FAM117B: variants seen among roughly 807,000 people sequenced by gnomAD.
FAM117B encodes the protein family with sequence similarity 117 member B.
A neutral mutation model predicts 52.8 loss-of-function variants in FAM117B; 22 were observed. That is an observed-to-expected ratio of 0.42 (90% CI 0.30 to 0.59). The LOEUF (loss-of-function observed/expected upper bound fraction) is 0.59, where lower values mean the gene tolerates loss of function less well. Ranked by LOEUF, FAM117B falls within the 20% of genes least tolerant of loss-of-function variation. The probability of loss-of-function intolerance (pLI) is 0.22; values close to 1 mark genes in which losing one functional copy is unlikely to be tolerated. For missense variants in FAM117B, 678 were observed against 802.6 expected (o/e 0.84, Z 1.88); for synonymous variants, 309 against 324.1 (o/e 0.95, Z 0.50).
intron 4 of FAM117B, among the ~76,000 whole-genome samples, chr2:202,734,569 A>T (rs1467094631): frequency 3.9e-5 from 6 of 152,258 alleles, no homozygotes; most frequent in Non-Finnish European, 7.3e-5. Flanking sequence ...GTTATTTAAC[A>T]GTGCACTCTG....
At chr2:202,703,856 A>G (rs112296902) in intron 2 of FAM117B, among the ~76,000 whole-genome samples, 2 of 152,308 alleles carry the variant, frequency 1.3e-5, no homozygotes, top group African/African-American at 4.8e-5. Flanking sequence ...GCTGGGTCAT[A>G]TGATAATTCG....
intron 6 of FAM117B, among the ~76,000 whole-genome samples, chr2:202,758,954 A>C (rs529356772): frequency 2.9e-4 from 44 of 152,336 alleles, no homozygotes; most frequent in African/African-American, 1.0e-3. Flanking sequence ...GTAGTGTTTG[A>C]GTGCATTTGT....
intron 1 of FAM117B, among the ~76,000 whole-genome samples, chr2:202,691,649 TTG>T (rs199855927): frequency 0.14 from 17,381 of 126,288 alleles, 1,073 homozygotes; most frequent in African/African-American, 0.18. Flanking sequence ...CCAGTTTACA[TTG>T]TGTGTGTGTG....
chr2:202,707,892 C>T (rs1422268749), intron 2 of FAM117B, among the ~76,000 whole-genome samples: 1 of 151,836 alleles, frequency 6.6e-6, no homozygotes, highest in African/African-American at 2.4e-5. Context: ...CTCAGCCTCC[C>T]GAGTAGCTGA....
chr2:202,767,577 T>C lies in FAM117B; in HGVS notation c.*1813T>C, dbSNP rs909218079. The stretch of plus-strand genomic sequence containing the variant: ...TAATTTACTGTTCCTATACATATTA[T>C]AAGGTAGAAAAAAGTTTTTAAATCC... On this transcript the variant is annotated 3_prime_UTR_variant, in exon 8 of 8. Transcript: ENST00000392238. 3 of 152,202 alleles carry C rather than the reference T, an allele frequency of 2.0e-5. No homozygotes were observed. The highest frequency in any genetic ancestry group is 4.4e-5 in the Non-Finnish European group (3 of 68,044). 9.4% of individuals were successfully genotyped at this position (152,202 alleles called of 1,614,324 possible). A position where few individuals can be genotyped will look rare whatever the true frequency, so the allele number is the denominator to read the frequency against.
chr2:202,690,041 A>T (rs1690598002), intron 1 of FAM117B, among the ~76,000 whole-genome samples: 1 of 152,226 alleles, frequency 6.6e-6, no homozygotes, highest in Admixed American at 6.5e-5. Context: ...CCTAAGGGTC[A>T]TGGTTTGGGA....
At chr2:202,725,429 G>C (rs540661461) in intron 3 of FAM117B, among the ~76,000 whole-genome samples, 1 of 151,290 alleles carries the variant, frequency 6.6e-6, no homozygotes, top group South Asian at 2.1e-4. Flanking sequence ...AGCAATTCTC[G>C]TGCCTCAGCC....
intron 2 of FAM117B, among the ~76,000 whole-genome samples, chr2:202,719,235 A>C (rs1691111520): frequency 6.6e-6 from 1 of 152,222 alleles, no homozygotes; most frequent in African/African-American, 2.4e-5. Flanking sequence ...TTATCACTGA[A>C]GTGACCAAAG....
intron 1 of FAM117B, among the ~76,000 whole-genome samples, chr2:202,641,248 C>T (rs1689765108): frequency 6.6e-6 from 1 of 152,144 alleles, no homozygotes; most frequent in Admixed American, 6.5e-5. Context: ...AAGGGAAGAA[C>T]AGAACTTTGC....
intron 4 of FAM117B, among the ~76,000 whole-genome samples, chr2:202,748,304 G>C (rs1234526159): frequency 6.6e-6 from 1 of 151,988 alleles, no homozygotes; most frequent in Non-Finnish European, 1.5e-5. Flanking sequence ...AGCCTTAAAG[G>C]TAAGACCCAA....
At chr2:202,708,066 A>G (rs1690901338) in intron 2 of FAM117B, among the ~76,000 whole-genome samples, 1 of 152,122 alleles carries the variant, frequency 6.6e-6, no homozygotes, top group South Asian at 2.1e-4. Flanking sequence ...CACCACGCCC[A>G]GCCTAATTTT....
intron 4 of FAM117B, among the ~76,000 whole-genome samples, chr2:202,733,403 CT>C (rs2105790400): frequency 6.6e-6 from 1 of 152,228 alleles, no homozygotes; most frequent in East Asian, 1.9e-4. Context: ...AGGACGGGAT[CT>C]TTTCCCCACC....
chr2:202,635,315 T>C lies in FAM117B; in HGVS notation c.128T>C (p.Leu43Pro). Reference protein sequence around the residue: ...QPMRATVPFQLKQQQQQQHGS... With the variant: ...QPMRATVPFQPKQQQQQQHGS... Reference sequence around the variant, plus strand: ...ATGAGGGCGACGGTTCCGTTCCAGCTGAAGCAGCAGCAGCAGCAGCAACAT... The same window carrying C: ...ATGAGGGCGACGGTTCCGTTCCAGCCGAAGCAGCAGCAGCAGCAGCAACAT... The change falls in exon 1 of 8, where the codon CTG (leucine) becomes CCG (proline). Residue 43 changes from leucine to proline, a missense_variant. Transcript: ENST00000392238. 1 of 1,409,174 alleles carries C rather than the reference T, an allele frequency of 7.1e-7. No homozygotes were observed. The highest frequency in any genetic ancestry group is 9.3e-7 in the Non-Finnish European group (1 of 1,080,498). The allele number at this position is 1,409,174 out of a possible 1,614,324, so 87.3% of individuals were successfully genotyped here.
intron 7 of FAM117B, among the ~76,000 whole-genome samples, chr2:202,761,312 A>G (rs1691884383): frequency 6.6e-6 from 1 of 152,194 alleles, no homozygotes; most frequent in South Asian, 2.1e-4. Context: ...ATGACTTTAA[A>G]TATTTGTTGG....
chr2:202,655,159 C>A (rs1690032740), intron 1 of FAM117B, among the ~76,000 whole-genome samples: 1 of 152,108 alleles, frequency 6.6e-6, no homozygotes, highest in African/African-American at 2.4e-5. Context: ...ATTCACTTAG[C>A]ATAGTGCATT....
At chr2:202,740,173 C>CAG (rs1358404767) in intron 4 of FAM117B, among the ~76,000 whole-genome samples, 1 of 69,672 alleles carries the variant, frequency 1.4e-5, no homozygotes, top group African/African-American at 5.7e-5. Flanking sequence ...ACTTCATCCC[C>CAG]CAAAAAAAAA....
intron 2 of FAM117B, among the ~76,000 whole-genome samples, chr2:202,698,055 GA>G (rs1427400865): frequency 6.6e-6 from 1 of 152,042 alleles, no homozygotes; most frequent in Admixed American, 6.6e-5. Context: ...GTTTTTAGTA[GA>G]GACGGGGTTT....
In FAM117B at chr2:202,645,380, C is replaced by G. The variant is rs1046826049; in HGVS notation, c.601+9592C>G. ...CTCGGCTCACTGCAGGCTCCGCCCC[C>G]CGGGGTTCACGCCATTCTCCTGCCT... On this transcript the variant is annotated intron_variant, in intron 1 of 7. Coordinates refer to ENST00000392238, the MANE Select transcript of FAM117B (RefSeq NM_173511.4). Among the ~76,000 whole-genome samples, 8 of 151,770 alleles carry G rather than the reference C, an allele frequency of 5.3e-5. 1 individual carries two copies. Among genetic ancestry groups the G allele is most frequent in the South Asian group, 2.1e-4 (1 of 4,804 alleles).
chr2:202,681,448 G>A (rs1690461113), intron 1 of FAM117B, among the ~76,000 whole-genome samples: 1 of 152,044 alleles, frequency 6.6e-6, no homozygotes, highest in Non-Finnish European at 1.5e-5. Flanking sequence ...GTATAAAGAT[G>A]GAATAAGATG....
Sources: gnomAD v4.1 joint callset for allele counts (sites outside exome capture counted in the v4.1 genomes callset) on GRCh38, gnomAD v4.1.1 for gene constraint, MANE v1.5 for transcripts, NCBI Gene and HGNC (gene_info 2026-07-23, HGNC 2026-07-21) for gene names.